The following CHD7 variants were observed in gnomAD, a reference collection of about 807,000 sequenced individuals.
CHD7 encodes the protein ATP-dependent chromatin remodeler CHD7.
In CHD7, 24 loss-of-function variants were observed where a neutral mutation model predicts 307.3. That is an observed-to-expected ratio of 0.08 (90% CI 0.06 to 0.11). The LOEUF is 0.11. Among genes scored for constraint, CHD7 ranks in the 10% least tolerant of loss-of-function variants. The pLI, the probability that CHD7 is intolerant of heterozygous loss-of-function variation, is 1.00. For synonymous variants in CHD7, 1,363 were observed against 1,349.9 expected, an observed-to-expected ratio of 1.01 and a Z score of -0.21; for missense variants, 3,106 against 3,727.1, an observed-to-expected ratio of 0.83 and a Z score of 4.34.
chr8:60,755,017 G>C (rs1036891802), intron 2 of CHD7, among the ~76,000 whole-genome samples: 2 of 152,194 alleles, frequency 1.3e-5, no homozygotes, highest in Non-Finnish European at 2.9e-5. Flanking sequence ...CCAAAACCCT[G>C]AGATGAACTT....
At position 60,853,458 on chromosome 8, in the gene CHD7, C is replaced by T; in HGVS notation, c.6733C>T (p.Leu2245=). The T allele has an allele frequency of 6.6e-7, 1 of 1,517,818 alleles. No individual in the cohort carries two copies. The highest frequency in any genetic ancestry group is 8.8e-7 in the Non-Finnish European group (1 of 1,135,950). The allele number at this position is 1,517,818 out of a possible 1,614,324, so 94.0% of individuals were successfully genotyped here. A position where few individuals can be genotyped will look rare whatever the true frequency, so the allele number is the denominator to read the frequency against. The part of the protein sequence containing the change: ...KGSEEDEEEK[L]EDDDKSEESS... ...TTCCGAAGAGGATGAAGAGGAAAAG[C>T]TGGAGGATGACGATAAGTCGGAAGA... Residue 2245 remains leucine (L), a synonymous_variant, in exon 31 of 38, where the codon CTG becomes TTG. Transcript: ENST00000423902.
At chr8:60,702,115 A>G (rs1445649338) in intron 1 of CHD7, among the ~76,000 whole-genome samples, 1 of 152,226 alleles carries the variant, frequency 6.6e-6, no homozygotes, top group Non-Finnish European at 1.5e-5. Flanking sequence ...CAGTTTCCTC[A>G]TTTACAAAAT....
chr8:60,715,417 G>C (rs1331705819), intron 1 of CHD7, among the ~76,000 whole-genome samples: 2 of 151,582 alleles, frequency 1.3e-5, no homozygotes, highest in Non-Finnish European at 2.9e-5. Context: ...CCGCCTGCTG[G>C]GTTCAAGGAA....
At chr8:60,807,545 A>T (rs1812594562) in intron 6 of CHD7, among the ~76,000 whole-genome samples, 1 of 152,220 alleles carries the variant, frequency 6.6e-6, no homozygotes, top group Non-Finnish European at 1.5e-5. Flanking sequence ...TTTGGCTGAC[A>T]TGTATCACAA....
rs117993782 is a variant in CHD7, at chr8:60,706,135, A to G, written c.-175+27053A>G. On this transcript the variant is annotated intron_variant, in intron 1 of 37. Transcript: ENST00000423902. ...AGGACATGGAGAATCTAATGGAAAC[A>G]CACAGACCCTTTTACACCATGGTGA... Among the ~76,000 whole-genome samples, 850 of 152,256 alleles carry G rather than the reference A, an allele frequency of 5.6e-3. 3 individuals are homozygous for G. Among genetic ancestry groups the G allele is most frequent in the Non-Finnish European group, 8.5e-3 (576 of 68,024 alleles).
chr8:60,816,961 G>A (rs1803777633), intron 8 of CHD7, among the ~76,000 whole-genome samples: 1 of 152,184 alleles, frequency 6.6e-6, no homozygotes, highest in Non-Finnish European at 1.5e-5. Context: ...CGCAAATGCT[G>A]TGCTGTAGTG....
chr8:60,865,144 G>A lies in CHD7; in HGVS notation c.8205G>A (p.Val2735=). ...IARAAAAAAA[V]ASTSGINPLL... is the part of the protein sequence containing the mutation. ...GAGCAGCCGCGGCCGCCGCTGCTGT[G>A]GCCTCCACGTCAGGGATCAACCCTT... Residue 2735 remains valine, a synonymous_variant, in exon 38 of 38, where the codon GTG becomes GTA. Coordinates refer to ENST00000423902, the MANE Select transcript of CHD7 (RefSeq NM_017780.4). The surrounding 1 kb of genome is among the most constrained non-coding windows in gnomAD (Gnocchi z 4.3). The A allele has an allele frequency of 1.9e-6, 3 of 1,612,100 alleles. No homozygotes were observed. The highest frequency in any genetic ancestry group is 2.5e-6 in the Non-Finnish European group (3 of 1,179,142).
chr8:60,813,775 T>C (rs769284788), intron 7 of CHD7, among the ~76,000 whole-genome samples: 1 of 151,744 alleles, frequency 6.6e-6, no homozygotes, highest in African/African-American at 2.4e-5. Flanking sequence ...TGTCTTAATG[T>C]GATGTGGAGT....
At chr8:60,687,785 T>C in intron 1 of CHD7, among the ~76,000 whole-genome samples, 1 of 152,146 alleles carries the variant, frequency 6.6e-6, no homozygotes, top group East Asian at 1.9e-4. Context: ...ATGAGGAGAC[T>C]AAAAGGGATG....
At chr8:60,761,056 G>A (rs1395937819) in intron 2 of CHD7, among the ~76,000 whole-genome samples, 13 of 152,046 alleles carry the variant, frequency 8.6e-5, no homozygotes, top group African/African-American at 2.7e-4. Context: ...TGTTTACTGC[G>A]GCATTATTCA....
chr8:60,835,275 A>G (rs1340275153), intron 15 of CHD7, among the ~76,000 whole-genome samples: 1 of 152,220 alleles, frequency 6.6e-6, no homozygotes, highest in Non-Finnish European at 1.5e-5. Flanking sequence ...GGAAGATGTC[A>G]TCTTCTTGAG....
rs150944438 is a variant in CHD7 at position 60,772,887 on chromosome 8, G to A, written c.1666-8113G>A. 5.2e-4 allele frequency among the ~76,000 whole-genome samples: 79 copies of A among 152,322 alleles called. 1 individual carries two copies. The highest frequency in any genetic ancestry group is 1.2e-3 in the South Asian group (6 of 4,830). ...GAGCTCAGGAATTTAGAACAAGAGG[G>A]TGAAAGTATGACTGTGTCTCAGATT... On this transcript the variant is annotated intron_variant, in intron 2 of 37. Transcript: ENST00000423902.
rs1809077324 is a variant in CHD7 at position 60,742,281 on chromosome 8, G to T, written c.849G>T (p.Gly283=). 6.2e-7 allele frequency: 1 copy of T among 1,613,784 alleles called. No individual in the cohort carries two copies. The highest frequency in any genetic ancestry group is 1.3e-5 in the African/African-American group (1 of 74,894). ...TCTCCCCGAATCCTCCCCAACAAGG[G>T]GCTGTTAGGCCGCAAACCCTTAACT... is the stretch of plus-strand genomic sequence containing the variant. ...PRFSPNPPQQ[G]AVRPQTLNFS... is the part of the protein sequence containing the mutation. Residue 283 remains glycine, a synonymous_variant, in exon 2 of 38, where the codon GGG becomes GGT. Transcript: ENST00000423902.
chr8:60,719,475 T>G (rs917742880), intron 1 of CHD7, among the ~76,000 whole-genome samples: 1 of 152,158 alleles, frequency 6.6e-6, no homozygotes, highest in African/African-American at 2.4e-5. Context: ...GAAATGGATA[T>G]CAGTCTCAGA....
At chr8:60,752,651 C>T (rs1281720178) in intron 2 of CHD7, among the ~76,000 whole-genome samples, 3 of 152,104 alleles carry the variant, frequency 2.0e-5, no homozygotes, top group African/African-American at 4.8e-5. Flanking sequence ...TATAGAAATA[C>T]TTGACATTAA....
At chr8:60,684,960 T>C (rs980478670) in intron 1 of CHD7, among the ~76,000 whole-genome samples, 1 of 152,058 alleles carries the variant, frequency 6.6e-6, no homozygotes, top group East Asian at 1.9e-4. Flanking sequence ...ATTTGAGAGA[T>C]ATTTAACAGT....
chr8:60,770,784 G>A (rs1810671931), intron 2 of CHD7, among the ~76,000 whole-genome samples: 1 of 151,908 alleles, frequency 6.6e-6, no homozygotes, highest in African/African-American at 2.4e-5. Flanking sequence ...TATCTCACCT[G>A]GACTCTTCCT....
chr8:60,715,945 G>A (rs1459111453), intron 1 of CHD7, among the ~76,000 whole-genome samples: 1 of 152,148 alleles, frequency 6.6e-6, no homozygotes, highest in African/African-American at 2.4e-5. Context: ...TACCTTCACA[G>A]CCTACTTCAT....
rs1422565300 is a variant in CHD7 at position 60,741,425 on chromosome 8, G to C, written c.-8G>C. 1 of 1,592,194 alleles carries C rather than the reference G, an allele frequency of 6.3e-7. No individual in the cohort carries two copies. Among genetic ancestry groups the C allele is most frequent in the East Asian group, 2.3e-5 (1 of 44,326 alleles). On this transcript the variant is annotated 5_prime_UTR_variant, in exon 2 of 38. Coordinates refer to ENST00000423902, the MANE Select transcript of CHD7 (RefSeq NM_017780.4). ...CTGTGGTTTGGAGGAGCCGTGTGTT[G>C]GAAGAAGATGGCAGATCCAGGAATG... is the stretch of plus-strand genomic sequence containing the variant.
Sources: allele counts gnomAD v4.1 joint callset (sites outside exome capture counted in the v4.1 genomes callset), GRCh38; gene constraint gnomAD v4.1.1; non-coding constraint Gnocchi (gnomAD v3.1); transcripts MANE v1.5; gene names NCBI Gene and HGNC (gene_info 2026-07-23, HGNC 2026-07-21).